COLEC10: variants seen among roughly 807,000 people sequenced by gnomAD.
COLEC10 encodes collectin-10.
Under a neutral mutation model 28.4 loss-of-function variants are expected in COLEC10, and 22 were observed. The observed-to-expected ratio is 0.78, with a 90% confidence interval of 0.55 to 1.11. The LOEUF (loss-of-function observed/expected upper bound fraction) is 1.11, where lower values mean the gene tolerates loss of function less well. Among genes scored for constraint, COLEC10 ranks in the 50% least tolerant of loss-of-function variants. The pLI is 0.00. For missense variants in COLEC10, 361 were observed against 344.1 expected, an observed-to-expected ratio of 1.05 and a Z score of -0.39; for synonymous variants, 125 against 116.1, an observed-to-expected ratio of 1.08 and a Z score of -0.49.
At chr8:119,034,731 G>A (rs532694051) in intron 2 of COLEC10, among the ~76,000 whole-genome samples, 1 of 152,060 alleles carries the variant, frequency 6.6e-6, no homozygotes, top group African/African-American at 2.4e-5. Flanking sequence ...AAACTATGAT[G>A]TTAGTCTTAC....
chr8:119,087,823 A>G (rs1404360067), intron 1 of COLEC10, among the ~76,000 whole-genome samples: 2 of 152,122 alleles, frequency 1.3e-5, no homozygotes, highest in Non-Finnish European at 2.9e-5. Flanking sequence ...TGGAATCCTC[A>G]TTTGACTACT....
At chr8:119,029,189 G>A (rs1814246052) in intron 2 of COLEC10, among the ~76,000 whole-genome samples, 1 of 152,166 alleles carries the variant, frequency 6.6e-6, no homozygotes, top group African/African-American at 2.4e-5. Flanking sequence ...CTTTATGCAA[G>A]GGTATGTGAG....
intron 2 of COLEC10, among the ~76,000 whole-genome samples, chr8:119,059,768 T>C (rs1252660729): frequency 6.6e-6 from 1 of 152,082 alleles, no homozygotes; most frequent in African/African-American, 2.4e-5. Context: ...AATGCTTAGT[T>C]AGTGGGTACA....
intron 2 of COLEC10, among the ~76,000 whole-genome samples, chr8:119,012,333 G>A (rs1813913680): frequency 4.0e-5 from 6 of 150,648 alleles, no homozygotes; most frequent in Admixed American, 3.3e-4. Flanking sequence ...CGGTTATGGT[G>A]TATCATTCTT....
chr8:119,049,591 T>C (rs1814642768), intron 2 of COLEC10, among the ~76,000 whole-genome samples: 1 of 151,874 alleles, frequency 6.6e-6, no homozygotes, highest in Non-Finnish European at 1.5e-5. Flanking sequence ...ATTTTTTGTA[T>C]TTTTAGTAGA....
intron 3 of COLEC10, 142 bp from the exon 4 acceptor site, chr8:119,102,206 T>TCCTC: frequency 2.8e-6 from 1 of 361,212 alleles, no homozygotes; most frequent in Non-Finnish European, 5.0e-6. Flanking sequence ...GTAAATTCAC[T>TCCTC]CCTTCCTCCC....
intron 5 of COLEC10, 100 bp downstream of exon 5, chr8:119,103,995 G>T: frequency 1.2e-6 from 1 of 864,422 alleles, no homozygotes; most frequent in Non-Finnish European, 1.9e-6. Context: ...TTGGACAAAG[G>T]GCTATTGAGA....
intron 2 of COLEC10, among the ~76,000 whole-genome samples, chr8:119,040,376 T>G (rs1461547339): frequency 1.3e-5 from 2 of 152,204 alleles, no homozygotes; most frequent in Non-Finnish European, 2.9e-5. Context: ...TTCTCAATTC[T>G]TTAGTATCTC....
intron 2 of COLEC10, among the ~76,000 whole-genome samples, chr8:119,056,052 G>A (rs114455509): frequency 0.016 from 2,428 of 151,978 alleles, 75 homozygotes; most frequent in African/African-American, 0.055. Flanking sequence ...AAATGACACC[G>A]CATCCAATTG....
chr8:118,985,904 C>T, the COLEC10 span, among the ~76,000 whole-genome samples: 1 of 151,962 alleles, frequency 6.6e-6, no homozygotes, highest in Non-Finnish European at 1.5e-5. Flanking sequence ...TATAGCAGTT[C>T]CGATCTGAAG....
At chr8:119,090,209 C>G (rs928544617) in intron 2 of COLEC10, among the ~76,000 whole-genome samples, 1 of 152,030 alleles carries the variant, frequency 6.6e-6, no homozygotes, top group African/African-American at 2.4e-5. Context: ...TAATTCCCTC[C>G]TTTGTTATAT....
intron 2 of COLEC10, among the ~76,000 whole-genome samples, chr8:119,024,994 A>C (rs1185265738): frequency 6.6e-6 from 1 of 152,118 alleles, no homozygotes; most frequent in Non-Finnish European, 1.5e-5. Flanking sequence ...ATGAGCTGGG[A>C]ATTTACATGG....
chr8:118,991,845 T>A (rs1262021913), upstream of COLEC10, among the ~76,000 whole-genome samples: 1 of 137,242 alleles, frequency 7.3e-6, no homozygotes, highest in Non-Finnish European at 1.5e-5. Flanking sequence ...TTCAATTGAA[T>A]ATATTTATAT....
chr8:119,049,657 A>G (rs1814644066), intron 2 of COLEC10, among the ~76,000 whole-genome samples: 1 of 151,806 alleles, frequency 6.6e-6, no homozygotes, highest in African/African-American at 2.4e-5. Context: ...CTCGTGATCC[A>G]CTTGCCTTGG....
chr8:118,980,438 C>T, the COLEC10 span, among the ~76,000 whole-genome samples: 3 of 151,916 alleles, frequency 2.0e-5, no homozygotes, highest in Non-Finnish European at 2.9e-5. Flanking sequence ...GGTGATCTGC[C>T]GGTCTCTTCC....
chr8:118,981,585 T>C, the COLEC10 span, among the ~76,000 whole-genome samples: 8 of 152,162 alleles, frequency 5.3e-5, no homozygotes, highest in Admixed American at 5.2e-4. Flanking sequence ...TATAAATTTA[T>C]CTTCTGTTTG....
the COLEC10 span, among the ~76,000 whole-genome samples, chr8:118,967,830 A>G: frequency 0.67 from 101,358 of 151,864 alleles, 35,857 homozygotes; most frequent in African/African-American, 0.92. Flanking sequence ...TTAGCATTGA[A>G]AATGCCACAG....
intron 2 of COLEC10, among the ~76,000 whole-genome samples, chr8:119,050,828 T>A (rs1814661660): frequency 6.6e-6 from 1 of 152,240 alleles, no homozygotes; most frequent in Admixed American, 6.5e-5. Context: ...GCTCATTGCC[T>A]GTGTAAGTTA....
chr8:118,969,333 A>T, the COLEC10 span, among the ~76,000 whole-genome samples: 2 of 152,050 alleles, frequency 1.3e-5, no homozygotes, highest in South Asian at 2.1e-4. Context: ...TAGATGTGTG[A>T]TACTATTGCA....
Sources: allele counts gnomAD v4.1 joint callset (sites outside exome capture counted in the v4.1 genomes callset), GRCh38; gene constraint gnomAD v4.1.1; transcripts MANE v1.5; gene names NCBI Gene and HGNC (gene_info 2026-07-23, HGNC 2026-07-21).